ITPRIPL1: variants seen among roughly 807,000 people sequenced by gnomAD.
The protein encoded by ITPRIPL1 is ITPRIP like 1, also known as inositol 1,4,5-trisphosphate receptor-interacting protein-like 1.
Under a neutral mutation model 40.0 loss-of-function variants are expected in ITPRIPL1, and 28 were observed. That is an observed-to-expected ratio of 0.70 (90% confidence interval 0.52 to 0.96). The LOEUF (loss-of-function observed/expected upper bound fraction) is 0.96. Ranked by LOEUF, ITPRIPL1 falls within the 40% of genes least tolerant of loss-of-function variation. ITPRIPL1 has a pLI of 0.00. For synonymous variants in ITPRIPL1, 251 were observed against 275.7 expected (o/e 0.91, Z 0.89); for missense variants, 638 against 698.0 (o/e 0.91, Z 0.97).
downstream of ITPRIPL1, chr2:96,329,459 A>G (rs1164199299): frequency 2.0e-5 from 3 of 151,816 alleles, no homozygotes; most frequent in African/African-American, 7.3e-5. Context: ...TGAGATGAAT[A>G]ATTACTTTGT....
rs2064097462 is a variant in ITPRIPL1, at chr2:96,325,517, G to A, written c.-142G>A. The A allele has an allele frequency of 4.5e-6, 2 of 446,152 alleles. No homozygotes were observed. The highest frequency in any genetic ancestry group is 2.0e-5 in the African/African-American group (1 of 50,360). 27.6% of individuals were successfully genotyped at this position (446,152 alleles called of 1,614,324 possible). A position where few individuals can be genotyped will look rare whatever the true frequency, so the allele number is the denominator to read the frequency against. On this transcript the variant is annotated 5_prime_UTR_variant, in exon 1 of 3. Transcript: ENST00000439118. Reference sequence around the variant, plus strand: ...ACCCTGCCGGGAAAAAAGCAGTGGCGGTCAGGCCGCGCTGTCTCTTTAAGA... The same window carrying A: ...ACCCTGCCGGGAAAAAAGCAGTGGCAGTCAGGCCGCGCTGTCTCTTTAAGA...
Position 96,328,347 on chromosome 2 carries a change from T to C in ITPRIPL1, c.*48T>C. 1 of 1,545,386 alleles carries C rather than the reference T, an allele frequency of 6.5e-7. No homozygotes were observed. The highest frequency in any genetic ancestry group is 8.7e-7 in the Non-Finnish European group (1 of 1,146,056). ...ACAGAGGAAGGTATTTCTAATTCCT[T>C]GGGCTACAAAAGTGTTTACTTTTCA... On this transcript the variant is annotated 3_prime_UTR_variant, in exon 3 of 3. Coordinates refer to ENST00000439118, the MANE Select transcript of ITPRIPL1 (RefSeq NM_001008949.3).
At chr2:96,326,496 G>A in intron 2 of ITPRIPL1, 146 bp from the exon 3 acceptor site, 1 of 1,552,802 alleles carries the variant, frequency 6.4e-7, no homozygotes, top group South Asian at 1.3e-5. Flanking sequence ...CACCCTTGCT[G>A]TGTCCAAGCC....
rs1378033428 is a variant in ITPRIPL1, at chr2:96,326,776, A to G, written c.145A>G (p.Ser49Gly). ...ARSRQLEKRM[S>G]EEMRLLEMEF... ...GAGTCGGCAGCTGGAGAAGCGAATG[A>G]GTGAGGAGATGCGCCTGCTAGAGAT... The change falls in exon 3 of 3, where the codon AGT (serine) becomes GGT (glycine). Residue 49 changes from serine to glycine, a missense_variant. Ser to Gly is a moderately conservative substitution (Grantham distance 56, BLOSUM62 0). Coordinates refer to ENST00000439118, the MANE Select transcript of ITPRIPL1 (RefSeq NM_001008949.3). The G allele has an allele frequency of 3.1e-6, 5 of 1,614,050 alleles. No individual in the cohort carries two copies. The highest frequency in any genetic ancestry group is 4.2e-6 in the Non-Finnish European group (5 of 1,180,042).
At chr2:96,325,944 A>T in intron 2 of ITPRIPL1, 95 bp downstream of exon 2, 2 of 1,424,220 alleles carry the variant, frequency 1.4e-6, no homozygotes, top group Non-Finnish European at 2.0e-6. Flanking sequence ...GCCGGCTGTC[A>T]GGTAGGCCTT....
At chr2:96,326,377 C>G (rs1321734974) in intron 2 of ITPRIPL1, 1 of 1,517,886 alleles carries the variant, frequency 6.6e-7, no homozygotes, top group Non-Finnish European at 8.8e-7. Flanking sequence ...CCCATGTACA[C>G]TTTCTGGAAG....
chr2:96,328,328 G>A lies in ITPRIPL1; in HGVS notation c.*29G>A. On this transcript the variant is annotated 3_prime_UTR_variant, in exon 3 of 3. Coordinates refer to ENST00000439118, the MANE Select transcript of ITPRIPL1 (RefSeq NM_001008949.3). Reference sequence around the variant, plus strand: ...AAAGACCATTAAAAAAAAAACAGAGGAAGGTATTTCTAATTCCTTGGGCTA... The same window carrying A: ...AAAGACCATTAAAAAAAAAACAGAGAAAGGTATTTCTAATTCCTTGGGCTA... 1 of 1,568,212 alleles carries A rather than the reference G, an allele frequency of 6.4e-7. No homozygotes were observed. The highest frequency in any genetic ancestry group is 8.6e-7 in the Non-Finnish European group (1 of 1,159,346).
Position 96,326,536 on chromosome 2 carries a change from G to A in ITPRIPL1, c.11-106G>A, listed in dbSNP as rs141747048. Reference sequence around the variant, plus strand: ...TCTGTGGGCTTTCTGTTCCTCCTGAGTAGCTGATTTTCAGAATTTGGGGTA... The same window carrying A: ...TCTGTGGGCTTTCTGTTCCTCCTGAATAGCTGATTTTCAGAATTTGGGGTA... On this transcript the variant is annotated intron_variant, in intron 2 of 2. Transcript: ENST00000439118. The A allele has an allele frequency of 3.2e-4, 503 of 1,573,306 alleles. 2 individuals are homozygous for A. In the African/African-American group the frequency reaches 5.5e-3, roughly 17 times the overall value.
In ITPRIPL1 at chr2:96,327,678, C is replaced by T. The variant is rs764669869; in HGVS notation, c.1047C>T (p.Ser349=). ...FKLSLPPSTT[S]CKLRLDYRSG... ...TCAGTCTCCCACCGTCTACCACCTC[C>T]TGCAAGCTCCGGCTGGACTATCGCT... The change falls in exon 3 of 3, where the codon TCC becomes TCT. Residue 349 remains serine, a synonymous_variant. Coordinates refer to ENST00000439118, the MANE Select transcript of ITPRIPL1 (RefSeq NM_001008949.3). 26 of 1,613,380 alleles carry T rather than the reference C, an allele frequency of 1.6e-5. No homozygotes were observed. The highest frequency in any genetic ancestry group is 2.2e-5 in the Non-Finnish European group (26 of 1,179,800).
intron 2 of ITPRIPL1, 114 bp downstream of exon 2, chr2:96,325,963 G>A (rs2064102527): frequency 7.9e-7 from 1 of 1,260,800 alleles, no homozygotes; most frequent in Non-Finnish European, 1.2e-6. Flanking sequence ...TTGGGCACCT[G>A]GTTCTGCAGA....
At position 96,328,339 on chromosome 2, in the gene ITPRIPL1, T is replaced by C; in HGVS notation, c.*40T>C. Reference sequence around the variant, plus strand: ...AAAAAAAAACAGAGGAAGGTATTTCTAATTCCTTGGGCTACAAAAGTGTTT... The same window carrying C: ...AAAAAAAAACAGAGGAAGGTATTTCCAATTCCTTGGGCTACAAAAGTGTTT... On this transcript the variant is annotated 3_prime_UTR_variant, in exon 3 of 3. Coordinates refer to ENST00000439118, the MANE Select transcript of ITPRIPL1 (RefSeq NM_001008949.3). The C allele has an allele frequency of 1.9e-6, 3 of 1,550,270 alleles. No individual in the cohort carries two copies. The highest frequency in any genetic ancestry group is 1.2e-5 in the South Asian group (1 of 81,956).
In ITPRIPL1 at chr2:96,327,611, G is replaced by A. The variant is rs192433801; in HGVS notation, c.980G>A (p.Gly327Asp). The change falls in exon 3 of 3, where the codon GGC (glycine) becomes GAC (aspartate). Residue 327 changes from glycine (G) to aspartate (D), a missense_variant. Transcript: ENST00000439118. ...GTGCAGTGGTTCCGGAACATGATGG[G>A]CAATGCCTGGGCCCTTGTGGCCCAC... ...KTVQWFRNMM[G>D]NAWALVAHKY... 3.7e-6 allele frequency: 6 copies of A among 1,609,336 alleles called. No homozygotes were observed. The East Asian group carries it at 1.3e-4, about 36-fold the overall frequency.
chr2:96,330,247 CAAAAAAAAAAAAAAAA>C (rs57831992), downstream of ITPRIPL1: 5 of 23,126 alleles, frequency 2.2e-4, no homozygotes, highest in African/African-American at 8.4e-4. Context: ...GACCGCGTCT[CAAAAAAAAAAAAAAAA>C]AAAAAAAAAA....
chr2:96,325,398 A>G lies in ITPRIPL1; in HGVS notation c.-261A>G, dbSNP rs894307698. The G allele has an allele frequency of 3.1e-5, 5 of 162,638 alleles. No individual in the cohort carries two copies. The highest frequency in any genetic ancestry group is 1.2e-4 in the African/African-American group (5 of 41,644). 10.1% of individuals were successfully genotyped at this position (162,638 alleles called of 1,614,324 possible). The stretch of plus-strand genomic sequence containing the variant: ...GTAGGGGCCCACCGCGCTCAGCCAG[A>G]CGTTCAGACGCTCGGACAAGCATGG... On this transcript the variant is annotated 5_prime_UTR_variant, in exon 1 of 3. Transcript: ENST00000439118.
Position 96,326,775 on chromosome 2 carries a change from G to A in ITPRIPL1, c.144G>A (p.Met48Ile). 6.2e-7 allele frequency: 1 copy of A among 1,614,226 alleles called. No individual in the cohort carries two copies. The change falls in exon 3 of 3, where the codon ATG becomes ATA. Residue 48 changes from methionine to isoleucine, a missense_variant. Coordinates refer to ENST00000439118, the MANE Select transcript of ITPRIPL1 (RefSeq NM_001008949.3). Reference protein sequence around the residue: ...LARSRQLEKRMSEEMRLLEME... With the variant: ...LARSRQLEKRISEEMRLLEME... ...GGAGTCGGCAGCTGGAGAAGCGAATGAGTGAGGAGATGCGCCTGCTAGAGA... is the reference window on the plus strand; with the variant it reads ...GGAGTCGGCAGCTGGAGAAGCGAATAAGTGAGGAGATGCGCCTGCTAGAGA...
chr2:96,328,379 T>C, downstream of ITPRIPL1: 1 of 1,396,334 alleles, frequency 7.2e-7, no homozygotes, highest in Non-Finnish European at 9.8e-7. Flanking sequence ...TTCAGATATA[T>C]CAGTGGTATA....
chr2:96,327,586 G>A lies in ITPRIPL1; in HGVS notation c.955G>A (p.Val319Met). The change falls in exon 3 of 3, where the codon GTG becomes ATG. Residue 319 changes from valine to methionine, a missense_variant. Transcript: ENST00000439118. The part of the protein sequence containing the change: ...TGFHLDVCKT[V>M]QWFRNMMGNA... ...CTTCCACCTAGACGTGTGCAAGACT[G>A]TGCAGTGGTTCCGGAACATGATGGG... 1 of 1,609,860 alleles carries A rather than the reference G, an allele frequency of 6.2e-7. No homozygotes were observed. The highest frequency in any genetic ancestry group is 8.5e-7 in the Non-Finnish European group (1 of 1,178,138).
rs948849794 is a variant in ITPRIPL1 at position 96,325,449 on chromosome 2, G to T, written c.-210G>T. 16 of 314,800 alleles carry T rather than the reference G, an allele frequency of 5.1e-5. No individual in the cohort carries two copies. The East Asian group carries it at 1.1e-3, about 21-fold the overall frequency. The allele number at this position is 314,800 out of a possible 1,614,324, so 19.5% of individuals were successfully genotyped here. On this transcript the variant is annotated 5_prime_UTR_variant, in exon 1 of 3. Transcript: ENST00000439118. The stretch of plus-strand genomic sequence containing the variant: ...TCTATAACCCAGGAAAGGGGAGCAG[G>T]GCCACTCCCGCGGGCGGCCCCAGCG...
intron 2 of ITPRIPL1, chr2:96,326,189 A>G (rs1309330592): frequency 1.4e-6 from 2 of 1,457,180 alleles, no homozygotes; most frequent in Non-Finnish European, 1.8e-6. Flanking sequence ...GAATGCTACA[A>G]CTGGCTGCCG....
Sources: allele counts gnomAD v4.1 joint callset, GRCh38; gene constraint gnomAD v4.1.1; transcripts MANE v1.5; gene names NCBI Gene and HGNC (gene_info 2026-07-23, HGNC 2026-07-21).